NKAIN3: variants seen among roughly 807,000 people sequenced by gnomAD.
The protein encoded by NKAIN3 is sodium/potassium transporting ATPase interacting 3.
A neutral mutation model predicts 30.2 loss-of-function variants in NKAIN3; 25 were observed. That is an observed-to-expected ratio of 0.83 (90% CI 0.60 to 1.16). The LOEUF is 1.16. Among genes scored for constraint, NKAIN3 ranks in the 50% most tolerant of loss-of-function variants. The probability of loss-of-function intolerance (pLI) is 0.00; values close to 1 mark genes in which losing one functional copy is unlikely to be tolerated. For synonymous variants in NKAIN3, 91 were observed against 89.6 expected (o/e 1.02, Z -0.09); for missense variants, 225 against 254.1 (o/e 0.89, Z 0.78).
intron 2 of NKAIN3, 52 bp from the exon 3 acceptor site, chr8:62,589,662 C>A: frequency 4.0e-6 from 3 of 743,944 alleles, no homozygotes; most frequent in Non-Finnish European, 4.7e-6. Context: ...GATATACATG[C>A]CTTTCATCTC....
intron 4 of NKAIN3, among the ~76,000 whole-genome samples, chr8:62,805,457 T>C (rs1274908496): frequency 2.0e-5 from 3 of 152,058 alleles, no homozygotes; most frequent in African/African-American, 4.8e-5. Context: ...AACAGAGATA[T>C]AGATCAATGG....
At chr8:62,754,951 C>T (rs548603602) in intron 4 of NKAIN3, among the ~76,000 whole-genome samples, 12 of 152,080 alleles carry the variant, frequency 7.9e-5, no homozygotes, top group Non-Finnish European at 1.8e-4. Context: ...AAATATATCC[C>T]AATTGCTTTT....
intron 1 of NKAIN3, among the ~76,000 whole-genome samples, chr8:62,342,396 G>T (rs995235350): frequency 7.9e-5 from 12 of 152,068 alleles, no homozygotes; most frequent in Admixed American, 4.6e-4. Context: ...TCACAGTGAA[G>T]CCTGGAACAG....
intron 1 of NKAIN3, among the ~76,000 whole-genome samples, chr8:62,403,282 GA>G (rs1333573229): frequency 6.6e-6 from 1 of 152,162 alleles, no homozygotes; most frequent in Non-Finnish European, 1.5e-5. Flanking sequence ...TGATAGAAAA[GA>G]AAAACTCATT....
intron 1 of NKAIN3, among the ~76,000 whole-genome samples, chr8:62,320,987 G>A (rs559809109): frequency 6.6e-6 from 1 of 152,036 alleles, no homozygotes; most frequent in East Asian, 1.9e-4. Flanking sequence ...ATGTAGATTT[G>A]GTCTTTTTAC....
At chr8:62,855,719 A>T in intron 4 of NKAIN3, 1 of 1,554,242 alleles carries the variant, frequency 6.4e-7, no homozygotes, top group Non-Finnish European at 8.9e-7. Flanking sequence ...CTTCTGAACG[A>T]TAGCCTTCAT....
intron 3 of NKAIN3, among the ~76,000 whole-genome samples, chr8:62,600,747 T>G (rs1810962819): frequency 6.6e-6 from 1 of 152,086 alleles, no homozygotes; most frequent in Admixed American, 6.6e-5. Context: ...CTTATTGTCC[T>G]CTTTTGACTT....
At chr8:62,774,111 C>T (rs1261831954) in intron 4 of NKAIN3, among the ~76,000 whole-genome samples, 1 of 152,038 alleles carries the variant, frequency 6.6e-6, no homozygotes, top group Non-Finnish European at 1.5e-5. Context: ...TCATTGTAGA[C>T]CTCTTTGATT....
At chr8:62,849,521 C>T (rs1819808161) in intron 4 of NKAIN3, among the ~76,000 whole-genome samples, 1 of 151,346 alleles carries the variant, frequency 6.6e-6, no homozygotes, top group Admixed American at 6.6e-5. Context: ...CATATGTATA[C>T]ATGTGCCATG....
intron 3 of NKAIN3, among the ~76,000 whole-genome samples, chr8:62,688,737 G>GACAC (rs1339313689): frequency 5.4e-4 from 79 of 146,542 alleles, no homozygotes; most frequent in East Asian, 2.2e-3. Context: ...CAGACAGACA[G>GACAC]ACAGACACAC....
chr8:62,587,345 T>C (rs1367342361), intron 2 of NKAIN3, among the ~76,000 whole-genome samples: 1 of 152,026 alleles, frequency 6.6e-6, no homozygotes, highest in East Asian at 1.9e-4. Context: ...TATTACACAA[T>C]ATTGCTAAAA....
chr8:62,965,040 C>T (rs149572963), intron 6 of NKAIN3, among the ~76,000 whole-genome samples: 55 of 152,186 alleles, frequency 3.6e-4, no homozygotes, highest in Middle Eastern at 6.8e-3. Context: ...TCATAGTTTG[C>T]GCACACAACA....
intron 4 of NKAIN3, among the ~76,000 whole-genome samples, chr8:62,787,101 G>A (rs1008668868): frequency 6.6e-6 from 1 of 152,142 alleles, no homozygotes; most frequent in Admixed American, 6.6e-5. Flanking sequence ...AGATGATTCT[G>A]TATCTGTGTA....
chr8:62,768,103 C>T (rs1460860516), intron 4 of NKAIN3, among the ~76,000 whole-genome samples: 1 of 152,034 alleles, frequency 6.6e-6, no homozygotes, highest in East Asian at 1.9e-4. Flanking sequence ...CTAATTAACC[C>T]TCTGGGCAGG....
chr8:62,857,446 A>G (rs1820097114), intron 4 of NKAIN3, among the ~76,000 whole-genome samples: 1 of 152,124 alleles, frequency 6.6e-6, no homozygotes, highest in Admixed American at 6.5e-5. Context: ...ATGTTTTCCA[A>G]ATTGGTTCCA....
At chr8:62,664,899 A>G (rs1290262029) in intron 3 of NKAIN3, among the ~76,000 whole-genome samples, 1 of 152,178 alleles carries the variant, frequency 6.6e-6, no homozygotes, top group Non-Finnish European at 1.5e-5. Flanking sequence ...TCTCATCTCT[A>G]AATATCCTTA....
chr8:62,445,974 G>A (rs1281627030), intron 1 of NKAIN3, among the ~76,000 whole-genome samples: 1 of 152,144 alleles, frequency 6.6e-6, no homozygotes, highest in African/African-American at 2.4e-5. Flanking sequence ...TAAAGAAAAT[G>A]CCATGGTAGC....
chr8:62,581,532 C>A (rs1344465043), intron 2 of NKAIN3, among the ~76,000 whole-genome samples: 2 of 152,176 alleles, frequency 1.3e-5, no homozygotes, highest in Admixed American at 6.5e-5. Context: ...TATGCCTTCT[C>A]TCTTCTATAG....
At chr8:62,528,437 T>C (rs981625987) in intron 1 of NKAIN3, among the ~76,000 whole-genome samples, 7 of 151,106 alleles carry the variant, frequency 4.6e-5, no homozygotes, top group African/African-American at 1.7e-4. Context: ...GTGGGCTTTG[T>C]GGTTCCTTCT....
Sources: allele counts gnomAD v4.1 joint callset (sites outside exome capture counted in the v4.1 genomes callset), GRCh38; gene constraint gnomAD v4.1.1; transcripts MANE v1.5; gene names NCBI Gene and HGNC (gene_info 2026-07-23, HGNC 2026-07-21).